The following SHANK2 variants were observed in gnomAD, a reference collection of about 807,000 sequenced individuals.
SHANK2 encodes the protein SH3 and multiple ankyrin repeat domains protein 2.
Under a neutral mutation model 133.7 loss-of-function variants are expected in SHANK2, and 43 were observed. The ratio of observed to expected loss-of-function variants is 0.32; its 90% CI spans 0.25 to 0.41. SHANK2 has a LOEUF of 0.41. Ranked by LOEUF, SHANK2 falls within the 10% of genes least tolerant of loss-of-function variation. SHANK2 has a pLI of 1.00. For synonymous variants in SHANK2, 1,017 were observed against 952.8 expected, an observed-to-expected ratio of 1.07 and a Z score of -1.24; for missense variants, 1,994 against 2,235.8, an observed-to-expected ratio of 0.89 and a Z score of 2.18.
intron 10 of SHANK2, among the ~76,000 whole-genome samples, chr11:70,955,422 G>GGGGTGTGT (rs1220747460): frequency 6.8e-6 from 1 of 146,458 alleles, no homozygotes; most frequent in African/African-American, 2.6e-5. Context: ...AGACCCACGG[G>GGGGTGTGT]GTGTGTGTGT....
Position 70,880,394 on chromosome 11 carries a change from C to T in SHANK2, c.1174+16107G>A, listed in dbSNP as rs1590790941. 2.0e-5 allele frequency among the ~76,000 whole-genome samples: 3 copies of T among 152,152 alleles called. No individual in the cohort carries two copies. In the East Asian group the frequency reaches 5.8e-4, roughly 29 times the overall value. On this transcript the variant is annotated intron_variant, in intron 11 of 25. Transcript: ENST00000601538. ...AGTTGGGGAGATGGATGGAGGTGCG[C>T]TGAGAAAAGGAACACCCTGAACAGA...
chr11:70,568,251 C>A (rs1265470507), intron 17 of SHANK2, among the ~76,000 whole-genome samples: 1 of 152,192 alleles, frequency 6.6e-6, no homozygotes, highest in African/African-American at 2.4e-5. Context: ...CTTCGAGGGG[C>A]GGCGCCGTCT....
intron 10 of SHANK2, among the ~76,000 whole-genome samples, chr11:70,935,937 T>G (rs1321065761): frequency 6.6e-6 from 1 of 152,092 alleles, no homozygotes; most frequent in African/African-American, 2.4e-5. Flanking sequence ...CAGCCTTGGG[T>G]TCACACCCGC....
At chr11:71,191,337 C>A (rs1953788713) in intron 2 of SHANK2, among the ~76,000 whole-genome samples, 1 of 151,982 alleles carries the variant, frequency 6.6e-6, no homozygotes, top group Admixed American at 6.6e-5. Context: ...CCGTACAAAG[C>A]CCGGCAGACA....
chr11:70,756,046 G>T (rs1231653419), intron 14 of SHANK2, among the ~76,000 whole-genome samples: 4 of 152,132 alleles, frequency 2.6e-5, no homozygotes, highest in African/African-American at 7.2e-5. Flanking sequence ...ATCTTGCGGA[G>T]ATGGCTCTGC....
chr11:70,936,667 C>A (rs1258484054), intron 10 of SHANK2, among the ~76,000 whole-genome samples: 2 of 152,106 alleles, frequency 1.3e-5, no homozygotes, highest in African/African-American at 4.8e-5. Flanking sequence ...TGTTAGCAAC[C>A]AAAAGCCAGA....
chr11:70,706,416 T>G (rs186166062), intron 14 of SHANK2, among the ~76,000 whole-genome samples: 5 of 152,086 alleles, frequency 3.3e-5, no homozygotes, highest in Non-Finnish European at 7.3e-5. Context: ...ATGGGGCAAG[T>G]TGGAGATACA....
chr11:70,769,831 G>GTGTA (rs1375351472), intron 14 of SHANK2, among the ~76,000 whole-genome samples: 4 of 151,790 alleles, frequency 2.6e-5, no homozygotes, highest in African/African-American at 9.7e-5. Flanking sequence ...GTGTGTAGGT[G>GTGTA]TGTGTGTATG....
rs914650180 is a variant in SHANK2, at chr11:70,500,270, C to G, written c.2308+300G>C. ...GAGGCTCTGCTCATCTGCAACCCCC[C>G]ATCCAGGCAGCCCCAGCTGAGACCA... On this transcript the variant is annotated intron_variant, in intron 21 of 25. Coordinates refer to ENST00000601538, the MANE Select transcript of SHANK2 (RefSeq NM_012309.5). This position sits in a 1 kb window ranked among gnomAD's most constrained non-coding sequence, Gnocchi z 4.5. Among the ~76,000 whole-genome samples, 1 of 152,142 alleles carries G rather than the reference C, an allele frequency of 6.6e-6. No homozygotes were observed. Among genetic ancestry groups the G allele is most frequent in the African/African-American group, 2.4e-5 (1 of 41,426 alleles).
rs543505712 is a variant in SHANK2 at position 70,813,207 on chromosome 11, G to C, written c.1494-6036C>G. Among the ~76,000 whole-genome samples the C allele has an allele frequency of 6.6e-4, 101 of 152,288 alleles. No individual in the cohort carries two copies. The Middle Eastern group carries it at 0.01, about 15-fold the overall frequency. Reference sequence around the variant, plus strand: ...ATCTGAGGGGTCAGCACAGAGAACAGGGCCAGGACTTGAGGTCAGGGTTAG... The same window carrying C: ...ATCTGAGGGGTCAGCACAGAGAACACGGCCAGGACTTGAGGTCAGGGTTAG... On this transcript the variant is annotated intron_variant, in intron 12 of 25. Transcript: ENST00000601538.
At chr11:70,503,833 C>G (rs538668507) in intron 17 of SHANK2, among the ~76,000 whole-genome samples, 1 of 152,250 alleles carries the variant, frequency 6.6e-6, no homozygotes, top group Non-Finnish European at 1.5e-5. Context: ...GAGGAAAACC[C>G]GAGTGATGGA....
At chr11:71,249,860 T>C (rs782265669) in intron 1 of SHANK2, among the ~76,000 whole-genome samples, 11 of 152,120 alleles carry the variant, frequency 7.2e-5, no homozygotes, top group Non-Finnish European at 1.6e-4. Flanking sequence ...TAATGAAATA[T>C]AAAATGCAAT....
chr11:70,579,630 C>T (rs1332521351), intron 17 of SHANK2, among the ~76,000 whole-genome samples: 1 of 152,240 alleles, frequency 6.6e-6, no homozygotes, highest in East Asian at 1.9e-4. Context: ...TCCCAGGACC[C>T]CCGGTGTCCC....
At chr11:70,824,756 G>T (rs1038103611) in intron 11 of SHANK2, among the ~76,000 whole-genome samples, 2 of 152,172 alleles carry the variant, frequency 1.3e-5, no homozygotes, top group African/African-American at 4.8e-5. Flanking sequence ...ACAAAGATAC[G>T]ACTGGCCCAG....
At chr11:70,554,455 C>G (rs1216960177) in intron 17 of SHANK2, among the ~76,000 whole-genome samples, 7 of 152,182 alleles carry the variant, frequency 4.6e-5, no homozygotes, top group Non-Finnish European at 8.8e-5. Context: ...CCTACCTGAT[C>G]TTATTTTAAC....
intron 14 of SHANK2, among the ~76,000 whole-genome samples, chr11:70,748,279 C>T (rs60381001): frequency 2.0e-5 from 3 of 152,260 alleles, no homozygotes; most frequent in South Asian, 4.1e-4. Context: ...CCAAGAGACA[C>T]GCTGTTCTGA....
At chr11:71,210,210 G>GTATATATATATATATATATATATATATA (rs71049962) in intron 2 of SHANK2, among the ~76,000 whole-genome samples, 2 of 54,060 alleles carry the variant, frequency 3.7e-5, no homozygotes, top group Non-Finnish European at 3.2e-5. Flanking sequence ...AAATCCACAG[G>GTATATATATATATATATATATATATATA]TATATATATA....
At chr11:70,538,286 C>A (rs1554974532) in intron 17 of SHANK2, among the ~76,000 whole-genome samples, 1 of 152,248 alleles carries the variant, frequency 6.6e-6, no homozygotes, top group Non-Finnish European at 1.5e-5. Context: ...GCCAGTCCTT[C>A]CCCCAGAATT....
In SHANK2 at chr11:71,073,136, C is replaced by CTTTTCTTTTTT. The variant is rs1951164763; in HGVS notation, c.1029+2022_1029+2023insAAAAAAGAAAA. Among the ~76,000 whole-genome samples, 10 of 72,330 alleles carry CTTTTCTTTTTT rather than the reference C, an allele frequency of 1.4e-4. 1 individual carries two copies. The highest frequency in any genetic ancestry group is 2.8e-4 in the Non-Finnish European group (8 of 28,914). The allele number at this position is 72,330 out of a possible 152,430, so 47.5% of individuals were successfully genotyped here. On this transcript the variant is annotated intron_variant, in intron 9 of 25. Coordinates refer to ENST00000601538, the MANE Select transcript of SHANK2 (RefSeq NM_012309.5). Reference sequence around the variant, plus strand: ...GGAAGGCTTGCTTTTTGTTTTTTTTCTTTTTCTTTTCTTTTTTTTCTTTTT... The same window carrying CTTTTCTTTTTT: ...GGAAGGCTTGCTTTTTGTTTTTTTTCTTTTCTTTTTTTTTTTCTTTTCTTTTTTTTCTTTTT...
Sources: gnomAD v4.1 joint callset for allele counts (sites outside exome capture counted in the v4.1 genomes callset) on GRCh38, gnomAD v4.1.1 for gene constraint, Gnocchi (gnomAD v3.1) non-coding constraint, MANE v1.5 for transcripts, NCBI Gene and HGNC (gene_info 2026-07-23, HGNC 2026-07-21) for gene names.